Variants in PATJ observed in about 807,000 individuals in gnomAD.
PATJ encodes PATJ crumbs cell polarity complex component.
PATJ carries 190 observed loss-of-function variants against 224.9 expected under a neutral mutation model. The ratio of observed to expected loss-of-function variants is 0.84; its 90% CI spans 0.75 to 0.95. The LOEUF (loss-of-function observed/expected upper bound fraction) is 0.95, where lower values mean the gene tolerates loss of function less well. PATJ is among the 40% of genes least tolerant of loss of function. PATJ has a pLI of 0.00. For missense variants in PATJ, 2,121 were observed against 2,270.3 expected (o/e 0.93, Z 1.34); for synonymous variants, 769 against 820.3 (o/e 0.94, Z 1.07).
At chr1:62,137,213 C>T (rs1407806717) in intron 41 of PATJ, among the ~76,000 whole-genome samples, 3 of 151,260 alleles carry the variant, frequency 2.0e-5, no homozygotes, top group South Asian at 4.2e-4. Flanking sequence ...TTAAATGCAA[C>T]ATGGAGGCAA....
rs144983546 is a variant in PATJ, at chr1:62,114,137, G to A, written c.4546G>A (p.Val1516Met). The A allele has an allele frequency of 7.4e-6, 12 of 1,614,140 alleles. No individual in the cohort carries two copies. The highest frequency in any genetic ancestry group is 2.7e-5 in the African/African-American group (2 of 75,054). Reference sequence around the variant, plus strand: ...GACCCCCCAGAAGGTGCGGCTGGTGGTGTATAGAGATGAGGCACACTACCG... The same window carrying A: ...GACCCCCCAGAAGGTGCGGCTGGTGATGTATAGAGATGAGGCACACTACCG... ...RQTPQKVRLV[V>M]YRDEAHYRDE... Residue 1516 changes from valine to methionine, a missense_variant, in exon 35 of 44, where the codon GTG becomes ATG. Coordinates refer to ENST00000642238, the MANE Select transcript of PATJ (RefSeq NM_001350145.3).
chr1:61,930,707 AT>A (rs906193189), intron 27 of PATJ, among the ~76,000 whole-genome samples: 230 of 151,400 alleles, frequency 1.5e-3, no homozygotes, highest in African/African-American at 5.3e-3. Flanking sequence ...AGCCTGGCTA[AT>A]TTTTTTTTCT....
At chr1:61,837,789 T>TA (rs79022630) in intron 17 of PATJ, among the ~76,000 whole-genome samples, 112,959 of 124,958 alleles carry the variant, frequency 0.9, 51,198 homozygotes, top group South Asian at 0.97. Context: ...GACTCTGTCT[T>TA]AAAAAAAAAA....
intron 16 of PATJ, among the ~76,000 whole-genome samples, chr1:61,833,064 C>G (rs1659608927): frequency 6.6e-6 from 1 of 152,122 alleles, no homozygotes; most frequent in African/African-American, 2.4e-5. Context: ...TTCATTATTT[C>G]AACTCAGTGA....
At chr1:62,099,807 C>T (rs1661920151) in intron 33 of PATJ, among the ~76,000 whole-genome samples, 1 of 152,192 alleles carries the variant, frequency 6.6e-6, no homozygotes, top group Non-Finnish European at 1.5e-5. Context: ...TGATATCCTT[C>T]AGCCCACAGG....
intron 39 of PATJ, among the ~76,000 whole-genome samples, chr1:62,125,740 A>AT (rs1163682664): frequency 6.6e-6 from 1 of 151,948 alleles, no homozygotes; most frequent in Non-Finnish European, 1.5e-5. Flanking sequence ...TACCTACCCT[A>AT]TTCTACCACA....
intron 41 of PATJ, among the ~76,000 whole-genome samples, chr1:62,142,582 C>T (rs748949921): frequency 3.4e-4 from 51 of 152,228 alleles, no homozygotes; most frequent in Non-Finnish European, 6.6e-4. Flanking sequence ...CAGTCCTGAT[C>T]CTCATGGATC....
chr1:61,873,108 G>A (rs1666862304), intron 20 of PATJ, among the ~76,000 whole-genome samples: 1 of 151,748 alleles, frequency 6.6e-6, no homozygotes, highest in African/African-American at 2.4e-5. Flanking sequence ...AATAAATTAT[G>A]GTACATCCCT....
intron 31 of PATJ, chr1:62,073,426 C>CTCA: frequency 3.8e-6 from 2 of 531,920 alleles, no homozygotes; most frequent in South Asian, 8.2e-5. Flanking sequence ...AGTTCCAGAC[C>CTCA]AGACTGGCCA....
chr1:61,961,299 A>G (rs1681246563), intron 27 of PATJ, among the ~76,000 whole-genome samples: 1 of 152,084 alleles, frequency 6.6e-6, no homozygotes, highest in Non-Finnish European at 1.5e-5. Context: ...TGCACAACCA[A>G]TCATGGTTGA....
At chr1:62,046,141 T>C (rs1652505842) in intron 30 of PATJ, among the ~76,000 whole-genome samples, 1 of 150,414 alleles carries the variant, frequency 6.6e-6, no homozygotes, top group South Asian at 2.1e-4. Flanking sequence ...GGTCGAGGCT[T>C]CAGTGAGCTG....
In PATJ at chr1:61,884,260, G is replaced by A. The variant is rs1668495836; in HGVS notation, c.2983G>A (p.Gly995Ser). 6.2e-7 allele frequency: 1 copy of A among 1,606,906 alleles called. No individual in the cohort carries two copies. The highest frequency in any genetic ancestry group is 8.5e-7 in the Non-Finnish European group (1 of 1,177,520). ...DLGMIPNDVQ[G>S]PSLLIDLPVV... ...AGGCATGATCCCGAATGATGTCCAAGGTCCTAGCTTGCTCATTGACCTTCC... is the reference window on the plus strand; with the variant it reads ...AGGCATGATCCCGAATGATGTCCAAAGTCCTAGCTTGCTCATTGACCTTCC... Residue 995 changes from glycine (G) to serine (S), a missense_variant, in exon 22 of 44, where the codon GGT becomes AGT. Transcript: ENST00000642238.
At chr1:61,993,086 C>T (rs1449511467) in intron 28 of PATJ, among the ~76,000 whole-genome samples, 3 of 152,190 alleles carry the variant, frequency 2.0e-5, no homozygotes, top group Admixed American at 2.0e-4. Context: ...AATACTGTCT[C>T]CCACCACTTT....
intron 7 of PATJ, among the ~76,000 whole-genome samples, chr1:61,775,582 A>C (rs1646867701): frequency 6.6e-6 from 1 of 152,182 alleles, no homozygotes; most frequent in Non-Finnish European, 1.5e-5. Flanking sequence ...ACATCAGAGG[A>C]CAATTTTTTT....
At chr1:61,760,452 C>T (rs981607618) in intron 1 of PATJ, among the ~76,000 whole-genome samples, 1 of 152,066 alleles carries the variant, frequency 6.6e-6, no homozygotes, top group Non-Finnish European at 1.5e-5. Context: ...TAAAAATGAT[C>T]ACTGAAAATG....
In PATJ at chr1:61,800,728, C is replaced by T. The variant is rs184347741; in HGVS notation, c.1403-895C>T. Among the ~76,000 whole-genome samples, 23 of 152,286 alleles carry T rather than the reference C, an allele frequency of 1.5e-4. No individual in the cohort carries two copies. The East Asian group carries it at 3.3e-3, about 22-fold the overall frequency. On this transcript the variant is annotated intron_variant, in intron 11 of 43. Transcript: ENST00000642238. ...TAGTTCTCCTAATGCTATCCCTCCC[C>T]TTCTTCCCACCCCACAACAGGCCCC...
In PATJ at chr1:61,942,193, G is replaced by A. The variant is rs185037780; in HGVS notation, c.3670+14364G>A. The stretch of plus-strand genomic sequence containing the variant: ...GAATGTACAGAACTACTTTGAGAGA[G>A]GAGGTTTGAGAAAAAATATATGCTT... On this transcript the variant is annotated intron_variant, in intron 27 of 43. Transcript: ENST00000642238. Among the ~76,000 whole-genome samples, 25 of 152,202 alleles carry A rather than the reference G, an allele frequency of 1.6e-4. No individual in the cohort carries two copies. In the East Asian group the frequency reaches 4.6e-3, roughly 28 times the overall value.
chr1:61,794,126 T>C (rs907495119), intron 9 of PATJ, among the ~76,000 whole-genome samples: 6 of 152,104 alleles, frequency 3.9e-5, no homozygotes, highest in Non-Finnish European at 8.8e-5. Flanking sequence ...GGTCTTGAAC[T>C]CCTGACCTCA....
intron 42 of PATJ, among the ~76,000 whole-genome samples, chr1:62,152,426 TG>T (rs1464444009): frequency 6.6e-6 from 1 of 151,164 alleles, no homozygotes; most frequent in East Asian, 2.0e-4. Flanking sequence ...AGGCGTCAGG[TG>T]GATCACCTGA....
Sources: gnomAD v4.1 joint callset for allele counts (sites outside exome capture counted in the v4.1 genomes callset) on GRCh38, gnomAD v4.1.1 for gene constraint, MANE v1.5 for transcripts, NCBI Gene and HGNC (gene_info 2026-07-23, HGNC 2026-07-21) for gene names.